The following NDRG3 variants were observed in gnomAD, a reference collection of about 807,000 sequenced individuals.
NDRG3 encodes NDRG family member 3, also known as protein NDRG3.
In NDRG3, 23 loss-of-function variants were observed where a neutral mutation model predicts 57.2. The ratio of observed to expected loss-of-function variants is 0.40; its 90% CI spans 0.29 to 0.57. The LOEUF is 0.57. Among genes scored for constraint, NDRG3 ranks in the 20% least tolerant of loss-of-function variants. The pLI is 0.42. For synonymous variants in NDRG3, 132 were observed against 162.6 expected (o/e 0.81, Z 1.43); for missense variants, 384 against 457.3 (o/e 0.84, Z 1.46).
At chr20:36,660,572 T>TTTATTTA (rs1568622567) in intron 12 of NDRG3, among the ~76,000 whole-genome samples, 188 bp from the exon 13 acceptor site, 1,633 of 147,636 alleles carry the variant, frequency 0.011, 31 homozygotes, top group African/African-American at 0.04. Context: ...TTATTTATTT[T>TTTATTTA]TTTTTTGAGA....
Position 36,703,401 on chromosome 20 carries a change from A to AAT in NDRG3, c.93+3569_93+3570dup, listed in dbSNP as rs774613189. 5.3e-5 allele frequency among the ~76,000 whole-genome samples: 8 copies of AAT among 150,028 alleles called. No individual in the cohort carries two copies. The East Asian group carries it at 9.8e-4, about 18-fold the overall frequency. On this transcript the variant is annotated intron_variant, in intron 3 of 15. Coordinates refer to ENST00000349004, the MANE Select transcript of NDRG3 (RefSeq NM_032013.4). ...CAACATAGTGAGACCCTCGTCTCTA[A>AAT]ATATATATATATGTAATATCCTATC...
intron 3 of NDRG3, among the ~76,000 whole-genome samples, chr20:36,692,646 T>C (rs1982363333): frequency 6.6e-6 from 1 of 152,208 alleles, no homozygotes; most frequent in South Asian, 2.1e-4. Context: ...ACAGCAATTT[T>C]ACATATAGAT....
intron 15 of NDRG3, among the ~76,000 whole-genome samples, chr20:36,655,139 G>A (rs1978545478): frequency 6.6e-6 from 1 of 152,232 alleles, no homozygotes; most frequent in Non-Finnish European, 1.5e-5. Flanking sequence ...GACTAGGAGA[G>A]GGCCTCCTGC....
intron 8 of NDRG3, among the ~76,000 whole-genome samples, chr20:36,679,974 A>G (rs1385490036): frequency 6.7e-6 from 1 of 149,568 alleles, no homozygotes; most frequent in African/African-American, 2.5e-5. Flanking sequence ...ACAGGCATGC[A>G]CCACCACACC....
chr20:36,696,887 A>G (rs534752268), intron 3 of NDRG3, among the ~76,000 whole-genome samples: 1 of 152,326 alleles, frequency 6.6e-6, no homozygotes, highest in African/African-American at 2.4e-5. Flanking sequence ...CTTCCACAGC[A>G]TTGACAATCT....
chr20:36,733,280 G>A (rs1230634857), intron 1 of NDRG3, among the ~76,000 whole-genome samples: 1 of 148,264 alleles, frequency 6.7e-6, no homozygotes, highest in East Asian at 2.0e-4. Context: ...GAAACTGCAA[G>A]CTGTCTTGTT....
intron 8 of NDRG3, among the ~76,000 whole-genome samples, chr20:36,676,667 T>G (rs1980744509): frequency 6.6e-6 from 1 of 152,246 alleles, no homozygotes; most frequent in Non-Finnish European, 1.5e-5. Context: ...TTCGCCATGT[T>G]GGCCAGACTG....
At chr20:36,714,771 G>A (rs1346880195) in intron 2 of NDRG3, among the ~76,000 whole-genome samples, 3 of 151,104 alleles carry the variant, frequency 2.0e-5, no homozygotes, top group Admixed American at 6.6e-5. Flanking sequence ...GTGCCACCAC[G>A]CCCGGCTAAT....
In NDRG3 at chr20:36,653,747, G is replaced by C; in HGVS notation, c.947-46C>G. Reference sequence around the variant, plus strand: ...GACTAGAAGATGAAGCCCCGGTTAAGCCCAGCTAACCTAGGAGTCTCATCA... The same window carrying C: ...GACTAGAAGATGAAGCCCCGGTTAACCCCAGCTAACCTAGGAGTCTCATCA... On this transcript the variant is annotated intron_variant, in intron 15 of 15. Transcript: ENST00000349004. The surrounding 1 kb of genome is among the most constrained non-coding windows in gnomAD (Gnocchi z 4.2). 6.4e-7 allele frequency: 1 copy of C among 1,567,370 alleles called. No homozygotes were observed. Among genetic ancestry groups the C allele is most frequent in the South Asian group, 1.1e-5 (1 of 88,838 alleles).
chr20:36,660,284 G>T, intron 13 of NDRG3, 53 bp downstream of exon 13: 2 of 1,329,936 alleles, frequency 1.5e-6, no homozygotes, highest in South Asian at 1.3e-5. Flanking sequence ...CAGAAAATAT[G>T]ATTAATCTGA....
Position 36,655,036 on chromosome 20 carries a change from C to T in NDRG3, c.946+1324G>A, listed in dbSNP as rs115779817. Among the ~76,000 whole-genome samples, 843 of 152,352 alleles carry T rather than the reference C, an allele frequency of 5.5e-3. 4 individuals carry two copies. Among genetic ancestry groups the T allele is most frequent in the African/African-American group, 0.019 (789 of 41,578 alleles). On this transcript the variant is annotated intron_variant, in intron 15 of 15. Transcript: ENST00000349004. Reference sequence around the variant, plus strand: ...GTTACTTTCCTCAACTAGACAAAGGCAATTGTTTTCCCCTCTGCTATAAAC... The same window carrying T: ...GTTACTTTCCTCAACTAGACAAAGGTAATTGTTTTCCCCTCTGCTATAAAC...
At chr20:36,696,078 G>A (rs746507478) in intron 3 of NDRG3, among the ~76,000 whole-genome samples, 7 of 152,090 alleles carry the variant, frequency 4.6e-5, no homozygotes, top group Non-Finnish European at 1.0e-4. Flanking sequence ...GGATTCCCCC[G>A]ATAGCCCAGG....
At chr20:36,712,677 C>T (rs1983995622) in intron 2 of NDRG3, among the ~76,000 whole-genome samples, 1 of 138,018 alleles carries the variant, frequency 7.2e-6, no homozygotes, top group South Asian at 2.4e-4. Context: ...TTCACTGCAA[C>T]CTCCGCCTGC....
At chr20:36,709,369 T>C (rs1983739154) in intron 2 of NDRG3, among the ~76,000 whole-genome samples, 1 of 152,162 alleles carries the variant, frequency 6.6e-6, no homozygotes, top group Admixed American at 6.5e-5. Flanking sequence ...AGCCCCTGAC[T>C]TTCTAAAGGT....
intron 3 of NDRG3, among the ~76,000 whole-genome samples, chr20:36,698,426 C>T (rs1457115903): frequency 6.6e-6 from 1 of 151,888 alleles, no homozygotes; most frequent in African/African-American, 2.4e-5. Context: ...CCTGTCTCTA[C>T]AAAAAATTTT....
At chr20:36,728,407 T>C (rs1251706646) in intron 1 of NDRG3, among the ~76,000 whole-genome samples, 9 of 152,070 alleles carry the variant, frequency 5.9e-5, no homozygotes, top group Admixed American at 5.9e-4. Context: ...CATCCCAAAT[T>C]AAAAAATCTG....
At chr20:36,698,636 A>G (rs886204152) in intron 3 of NDRG3, among the ~76,000 whole-genome samples, 1 of 152,118 alleles carries the variant, frequency 6.6e-6, no homozygotes, top group African/African-American at 2.4e-5. Context: ...GAACCTATAC[A>G]GTTCAAACCT....
intron 9 of NDRG3, among the ~76,000 whole-genome samples, chr20:36,669,760 G>T (rs1222197087): frequency 6.6e-6 from 1 of 151,308 alleles, no homozygotes; most frequent in Non-Finnish European, 1.5e-5. Context: ...ACCACATCCC[G>T]CTAATTTTTG....
At chr20:36,674,074 C>A (rs1980425269) in intron 8 of NDRG3, among the ~76,000 whole-genome samples, 1 of 152,062 alleles carries the variant, frequency 6.6e-6, no homozygotes, top group Non-Finnish European at 1.5e-5. Flanking sequence ...ACTGCACACT[C>A]CAGCCTGGGC....
Sources: gnomAD v4.1 joint callset for allele counts (sites outside exome capture counted in the v4.1 genomes callset) on GRCh38, gnomAD v4.1.1 for gene constraint, Gnocchi (gnomAD v3.1) non-coding constraint, MANE v1.5 for transcripts, NCBI Gene and HGNC (gene_info 2026-07-23, HGNC 2026-07-21) for gene names.